Variants in NEBL observed in about 807,000 individuals in gnomAD.
The protein encoded by NEBL is LIM and SH3 protein 2.
NEBL carries 122 observed loss-of-function variants against 140.2 expected under a neutral mutation model. The observed-to-expected ratio is 0.87, with a 90% CI of 0.75 to 1.01. The LOEUF (loss-of-function observed/expected upper bound fraction) is 1.01, where lower values mean the gene tolerates loss of function less well. NEBL is among the 50% of genes least tolerant of loss of function. The probability of loss-of-function intolerance (pLI) is 0.00; values close to 1 mark genes in which losing one functional copy is unlikely to be tolerated. For missense variants in NEBL, 1,365 were observed against 1,231.3 expected, an observed-to-expected ratio of 1.11 and a Z score of -1.62; for synonymous variants, 436 against 398.9, an observed-to-expected ratio of 1.09 and a Z score of -1.11.
intron 3 of NEBL, among the ~76,000 whole-genome samples, chr10:21,194,818 C>A (rs547860240): frequency 1.3e-5 from 2 of 152,120 alleles, no homozygotes; most frequent in East Asian, 3.9e-4. Flanking sequence ...CGCCCTGACC[C>A]CCACCCCCTG....
At chr10:20,858,437 T>G (rs1843317862) in intron 8 of NEBL, 93 bp from the exon 9 acceptor site, 1 of 1,077,050 alleles carries the variant, frequency 9.3e-7, no homozygotes, top group East Asian at 2.5e-5. Flanking sequence ...AAAGTAGGAC[T>G]ATTTAGTGGT....
upstream of NEBL, among the ~76,000 whole-genome samples, chr10:20,901,924 C>A (rs1312925886): frequency 1.3e-5 from 2 of 152,200 alleles, no homozygotes; most frequent in African/African-American, 2.4e-5. Context: ...CACTCTAGGA[C>A]AATTTGTCTC....
At chr10:20,956,115 G>A (rs1057487826) in intron 4 of NEBL, among the ~76,000 whole-genome samples, 1 of 152,106 alleles carries the variant, frequency 6.6e-6, no homozygotes, top group Non-Finnish European at 1.5e-5. Context: ...TTGAAGTTCT[G>A]CTCTACATGG....
At chr10:20,904,838 C>T (rs1168648715) in intron 4 of NEBL, among the ~76,000 whole-genome samples, 1 of 152,212 alleles carries the variant, frequency 6.6e-6, no homozygotes, top group Non-Finnish European at 1.5e-5. Context: ...TGGCTGTCAA[C>T]ACCGTATCAA....
At chr10:20,888,280 A>G in intron 3 of NEBL, 73 bp from the exon 4 acceptor site, 1 of 920,988 alleles carries the variant, frequency 1.1e-6, no homozygotes, top group South Asian at 1.5e-5. Context: ...TATAAGTAGA[A>G]AAGAAGAAAC....
chr10:20,985,529 C>T (rs1325850958), intron 3 of NEBL, among the ~76,000 whole-genome samples: 1 of 152,082 alleles, frequency 6.6e-6, no homozygotes, highest in African/African-American at 2.4e-5. Context: ...ATCAAAAAAA[C>T]TCATTACCAT....
chr10:20,985,572 C>G (rs569226196), intron 3 of NEBL, among the ~76,000 whole-genome samples: 1 of 151,982 alleles, frequency 6.6e-6, no homozygotes, highest in African/African-American at 2.4e-5. Flanking sequence ...ATTAAATATC[C>G]GACAAACCAG....
chr10:21,269,742 T>C lies in NEBL; in HGVS notation n.183-17914A>G, dbSNP rs558446708. Among the ~76,000 whole-genome samples, 28 of 152,344 alleles carry C rather than the reference T, an allele frequency of 1.8e-4. 1 individual carries two copies. Among genetic ancestry groups the C allele is most frequent in the African/African-American group, 6.3e-4 (26 of 41,582 alleles). On this transcript the variant is annotated intron_variant and non_coding_transcript_variant, in intron 1 of 8. Coordinates refer to the NEBL transcript ENST00000675702. ...TTATGGAGATTTGCTGTAGGGAATA[T>C]ATTTGCATATATAGTGAGAGTAAAT... is the stretch of plus-strand genomic sequence containing the variant.
chr10:20,880,946 T>C (rs1845965265), intron 4 of NEBL, 42 bp from the exon 5 acceptor site: 2 of 1,493,062 alleles, frequency 1.3e-6, no homozygotes, highest in Non-Finnish European at 9.3e-7. Flanking sequence ...TAGAGGCATA[T>C]AAATTCTTGC....
intron 3 of NEBL, among the ~76,000 whole-genome samples, chr10:21,010,311 C>T (rs1838286263): frequency 6.6e-6 from 1 of 152,158 alleles, no homozygotes; most frequent in African/African-American, 2.4e-5. Context: ...GTGGCACAAT[C>T]ACAGCTCACT....
intron 2 of NEBL, among the ~76,000 whole-genome samples, chr10:21,126,562 C>T (rs1372240634): frequency 1.3e-5 from 2 of 152,038 alleles, no homozygotes. Context: ...AGGGAAGCTA[C>T]AACTAAAAGG....
chr10:20,895,203 T>G (rs1048690737), intron 2 of NEBL, among the ~76,000 whole-genome samples: 1 of 152,176 alleles, frequency 6.6e-6, no homozygotes, highest in Non-Finnish European at 1.5e-5. Flanking sequence ...ACTTTAGTCC[T>G]GATGGTTTAT....
At chr10:21,035,868 A>G (rs1219052586) in intron 2 of NEBL, among the ~76,000 whole-genome samples, 1 of 152,124 alleles carries the variant, frequency 6.6e-6, no homozygotes, top group African/African-American at 2.4e-5. Flanking sequence ...AGAGTTGTTT[A>G]AAAGAATAAA....
intron 2 of NEBL, among the ~76,000 whole-genome samples, chr10:21,032,950 A>T (rs1833858350): frequency 6.6e-6 from 1 of 152,222 alleles, no homozygotes; most frequent in Admixed American, 6.5e-5. Flanking sequence ...TGAAATGCTT[A>T]TCGGCTATTG....
intron 2 of NEBL, among the ~76,000 whole-genome samples, chr10:21,087,503 T>G (rs1836692863): frequency 6.6e-6 from 1 of 152,196 alleles, no homozygotes; most frequent in Non-Finnish European, 1.5e-5. Flanking sequence ...CTTCTCCCAG[T>G]TTTTAGTAAA....
At chr10:20,982,411 G>T (rs1282901502) in intron 3 of NEBL, among the ~76,000 whole-genome samples, 1 of 152,056 alleles carries the variant, frequency 6.6e-6, no homozygotes, top group Non-Finnish European at 1.5e-5. Context: ...TCTAGAATTT[G>T]CTGGGGTGTT....
intron 2 of NEBL, among the ~76,000 whole-genome samples, chr10:21,035,079 A>G (rs1302579770): frequency 6.6e-6 from 1 of 151,580 alleles, no homozygotes; most frequent in Non-Finnish European, 1.5e-5. Context: ...ACTCGCTGTA[A>G]CCTCCACCTG....
At chr10:21,003,391 C>G (rs759676530) in intron 3 of NEBL, among the ~76,000 whole-genome samples, 5 of 152,148 alleles carry the variant, frequency 3.3e-5, no homozygotes, top group Non-Finnish European at 4.4e-5. Context: ...TCCCTGCTGC[C>G]AACACCTCGC....
At chr10:21,253,754 G>C (rs1248609420) in intron 1 of NEBL, among the ~76,000 whole-genome samples, 1 of 152,044 alleles carries the variant, frequency 6.6e-6, no homozygotes, top group African/African-American at 2.4e-5. Flanking sequence ...ATGTTGGCCA[G>C]GCTGGTCTCA....
Sources: allele counts gnomAD v4.1 joint callset (sites outside exome capture counted in the v4.1 genomes callset), GRCh38; gene constraint gnomAD v4.1.1; transcripts MANE v1.5; gene names NCBI Gene and HGNC (gene_info 2026-07-23, HGNC 2026-07-21).